Variants in MKLN1 observed in about 807,000 individuals in gnomAD.
MKLN1 encodes the protein muskelin 1, also known as muskelin.
In MKLN1, 18 loss-of-function variants were observed where a neutral mutation model predicts 99.0. The observed-to-expected ratio is 0.18, with a 90% CI of 0.13 to 0.27. The LOEUF is 0.27. Ranked by LOEUF, MKLN1 falls within the 10% of genes least tolerant of loss-of-function variation. The pLI is 1.00. For synonymous variants in MKLN1, 288 were observed against 293.2 expected (o/e 0.98, Z 0.18); for missense variants, 621 against 875.9 (o/e 0.71, Z 3.67).
intron 3 of MKLN1, among the ~76,000 whole-genome samples, chr7:131,269,890 G>A (rs1420272813): frequency 2.0e-5 from 3 of 151,822 alleles, no homozygotes; most frequent in African/African-American, 7.3e-5. Flanking sequence ...AGTTATGGAG[G>A]TAACTTTTCT....
intron 17 of MKLN1, among the ~76,000 whole-genome samples, chr7:131,481,863 C>T (rs1387695041): frequency 6.7e-6 from 1 of 148,546 alleles, no homozygotes; most frequent in East Asian, 2.0e-4. Context: ...TGACTTCCTC[C>T]AGAAATAATC....
intron 1 of MKLN1, among the ~76,000 whole-genome samples, chr7:131,142,351 C>T (rs140702815): frequency 1.9e-4 from 28 of 151,060 alleles, no homozygotes; most frequent in African/African-American, 6.6e-4. Flanking sequence ...GCGGAGCTTG[C>T]AGTGAGCCAA....
intron 9 of MKLN1, among the ~76,000 whole-genome samples, chr7:131,434,877 C>G (rs1037121017): frequency 6.6e-6 from 1 of 152,118 alleles, no homozygotes; most frequent in Non-Finnish European, 1.5e-5. Context: ...TTTTTTAATG[C>G]CTTCCTTATT....
chr7:131,187,439 C>CTATG (rs1278603809), intron 2 of MKLN1, among the ~76,000 whole-genome samples: 5 of 151,828 alleles, frequency 3.3e-5, no homozygotes, highest in African/African-American at 1.2e-4. Flanking sequence ...GGTCAGCAAA[C>CTATG]TATGGCCTGA....
At chr7:131,119,749 C>T (rs1026462182) in intron 1 of MKLN1, among the ~76,000 whole-genome samples, 2 of 152,212 alleles carry the variant, frequency 1.3e-5, no homozygotes, top group Non-Finnish European at 2.9e-5. Context: ...GAAGCAATGG[C>T]CTGAGCTGCA....
chr7:131,467,522 A>G (rs997649036), intron 15 of MKLN1, among the ~76,000 whole-genome samples: 3 of 152,164 alleles, frequency 2.0e-5, no homozygotes, highest in African/African-American at 7.2e-5. Flanking sequence ...TGAATCATAT[A>G]GCTGTCTGGT....
intron 3 of MKLN1, among the ~76,000 whole-genome samples, chr7:131,230,065 A>G (rs973220503): frequency 1.3e-5 from 2 of 152,194 alleles, no homozygotes; most frequent in Admixed American, 6.5e-5. Flanking sequence ...TCATTATACC[A>G]GGTTAATTTT....
At position 131,123,030 on chromosome 7, in the gene MKLN1, A is replaced by AAAAG. The variant is rs1211836743; in HGVS notation, c.-419+12826_-419+12827insGAAA. ...ACAGCGAGACTCCGTCTCAAAAAAA[A>AAAAG]AAAAAAAAAAAAAAAAAAAGTGTTG... On this transcript the variant is annotated intron_variant, in intron 1 of 7. Coordinates refer to the MKLN1 transcript ENST00000416992. 6.9e-4 allele frequency among the ~76,000 whole-genome samples: 92 copies of AAAAG among 133,816 alleles called. 5 individuals carry two copies. The South Asian group carries it at 9.9e-3, about 14-fold the overall frequency. The allele number at this position is 133,816 out of a possible 152,430, so 87.8% of individuals were successfully genotyped here. A position where few individuals can be genotyped will look rare whatever the true frequency, so the allele number is the denominator to read the frequency against.
chr7:131,487,792 C>T lies in MKLN1; in HGVS notation c.*64C>T. On this transcript the variant is annotated 3_prime_UTR_variant, in exon 18 of 18. Coordinates refer to ENST00000352689, the MANE Select transcript of MKLN1 (RefSeq NM_013255.5). The surrounding 1 kb of genome is among the most constrained non-coding windows in gnomAD (Gnocchi z 4.7). ...CGATTTTCCGTCTTTTGGATTGCAG[C>T]TCCACTGACTGACAGTAAAGCTGCA... The T allele has an allele frequency of 1.9e-6, 3 of 1,562,658 alleles. No individual in the cohort carries two copies. Among genetic ancestry groups the T allele is most frequent in the Non-Finnish European group, 1.7e-6 (2 of 1,148,486 alleles).
chr7:131,444,723 GTAGTAGTAGT>G (rs1795945032), intron 11 of MKLN1, among the ~76,000 whole-genome samples: 14 of 20,868 alleles, frequency 6.7e-4, no homozygotes, highest in Admixed American at 1.0e-3. Context: ...GTTTTGAGTA[GTAGTAGTAGT>G]AGTAGTAGTA....
In MKLN1 at chr7:131,165,580, T is replaced by A. The variant is rs77139485; in HGVS notation, c.-297+22639T>A. Among the ~76,000 whole-genome samples the A allele has an allele frequency of 4.3e-3, 651 of 152,292 alleles. 7 individuals are homozygous for A. The highest frequency in any genetic ancestry group is 0.015 in the African/African-American group (616 of 41,550). ...AAGTACAGAGCTGGTTCAAGGAACT[T>A]GTTAGGAAGGCACAGTTAATTCTGA... On this transcript the variant is annotated intron_variant, in intron 2 of 7. Transcript: ENST00000416992.
At chr7:131,235,578 T>A (rs1463257708) in intron 3 of MKLN1, among the ~76,000 whole-genome samples, 1 of 152,152 alleles carries the variant, frequency 6.6e-6, no homozygotes, top group Non-Finnish European at 1.5e-5. Flanking sequence ...AGAATCCTGG[T>A]ACTTCTACAT....
chr7:131,280,296 T>TTTTCATTTCTCCCCA (rs1798032472), intron 3 of MKLN1, among the ~76,000 whole-genome samples: 1 of 152,188 alleles, frequency 6.6e-6, no homozygotes, highest in African/African-American at 2.4e-5. Context: ...TGGACATACG[T>TTTTCATTTCTCCCCA]TTTCATTTCT....
chr7:131,176,433 C>T (rs1796300072), intron 2 of MKLN1, among the ~76,000 whole-genome samples: 1 of 152,052 alleles, frequency 6.6e-6, no homozygotes. Flanking sequence ...TCAAATGATC[C>T]TTGTTGGTAC....
rs764936334 is a variant in MKLN1 at position 131,437,887 on chromosome 7, A to C, written c.1063A>C (p.Lys355Gln). ...CTTGGATTCCTCTGTGAGGAACAGC[A>C]AATCTCTGAAAAGTGACTTCTATCG... Reference protein sequence around the residue: ...RYLDSSVRNSKSLKSDFYRYD... With the variant: ...RYLDSSVRNSQSLKSDFYRYD... Residue 355 changes from lysine (K) to glutamine (Q), a missense_variant, in exon 10 of 18, where the codon AAA (lysine) becomes CAA (glutamine). This residue lies in a region of MKLN1 where 361 missense variants were observed against 540.8 expected (regional missense o/e 0.67). Transcript: ENST00000352689. 1 of 1,613,912 alleles carries C rather than the reference A, an allele frequency of 6.2e-7. No individual in the cohort carries two copies. The highest frequency in any genetic ancestry group is 8.5e-7 in the Non-Finnish European group (1 of 1,179,812).
chr7:131,174,664 T>C (rs1458583392), intron 2 of MKLN1, among the ~76,000 whole-genome samples: 1 of 152,106 alleles, frequency 6.6e-6, no homozygotes, highest in African/African-American at 2.4e-5. Flanking sequence ...TCACACACAT[T>C]TTACAATAAC....
chr7:131,458,158 A>G lies in MKLN1; in HGVS notation c.1526-5059A>G, dbSNP rs1485447037. 2.0e-5 allele frequency among the ~76,000 whole-genome samples: 3 copies of G among 152,244 alleles called. No homozygotes were observed. The East Asian group carries it at 5.8e-4, about 29-fold the overall frequency. On this transcript the variant is annotated intron_variant, in intron 12 of 17. Transcript: ENST00000352689. ...GGGAACAAGAAGATAGACATTTGAC[A>G]GTTGAACAGCAATGTAGAATGAGAA...
chr7:131,166,137 T>C (rs933913264), intron 2 of MKLN1, among the ~76,000 whole-genome samples: 2 of 151,848 alleles, frequency 1.3e-5, no homozygotes, highest in African/African-American at 4.8e-5. Flanking sequence ...GGTAGGCTTT[T>C]GGCGGTAGGA....
rs1397420619 is a variant in MKLN1 at position 131,494,910 on chromosome 7, T to C, written c.*7182T>C. On this transcript the variant is annotated 3_prime_UTR_variant, in exon 18 of 18. Coordinates refer to ENST00000352689, the MANE Select transcript of MKLN1 (RefSeq NM_013255.5). ...GATTCCTTTATGCGTACATACTTTATAAATATACATACATACACATACACA... is the reference window on the plus strand; with the variant it reads ...GATTCCTTTATGCGTACATACTTTACAAATATACATACATACACATACACA... 1 of 151,918 alleles carries C rather than the reference T, an allele frequency of 6.6e-6. No individual in the cohort carries two copies. The highest frequency in any genetic ancestry group is 2.4e-5 in the African/African-American group (1 of 41,448). 9.4% of individuals were successfully genotyped at this position (151,918 alleles called of 1,614,324 possible).
Sources: gnomAD v4.1 joint callset for allele counts (sites outside exome capture counted in the v4.1 genomes callset) on GRCh38, gnomAD v4.1.1 for gene constraint, gnomAD v4.1.1 regional missense constraint, Gnocchi (gnomAD v3.1) non-coding constraint, MANE v1.5 for transcripts, NCBI Gene and HGNC (gene_info 2026-07-23, HGNC 2026-07-21) for gene names.